The following RTL10 variants were observed in gnomAD, a reference collection of about 807,000 sequenced individuals.
RTL10 encodes the protein retrotransposon Gag like 10, also known as protein Bop.
For synonymous variants in RTL10, 199 were observed against 188.4 expected (o/e 1.06, Z -0.46); for missense variants, 477 against 470.7 (o/e 1.01, Z -0.12).
In RTL10 at chr22:19,851,282, G is replaced by C; in HGVS notation, c.980C>G (p.Thr327Arg). The change falls in exon 3 of 3, where the codon ACA becomes AGA. Residue 327 changes from threonine to arginine, a missense_variant. Physicochemically the swap from Thr to Arg is moderately conservative, Grantham distance 71. Coordinates refer to ENST00000328554, the MANE Select transcript of RTL10 (RefSeq NM_024627.6). ...CTCTGTCTCCAAAACCTCCTCCTCT[G>C]TTTTCTGGGGTTTTGGACCTCCTGG... ...AHPGGPKPQK[T>R]EEEVLETEGD... 6.2e-7 allele frequency: 1 copy of C among 1,613,380 alleles called. No homozygotes were observed. Among genetic ancestry groups the C allele is most frequent in the Non-Finnish European group, 8.5e-7 (1 of 1,179,630 alleles).
rs557618561 is a variant in RTL10, at chr22:19,849,526, A to G, written c.*1641T>C. On this transcript the variant is annotated 3_prime_UTR_variant, in exon 3 of 3. Coordinates refer to ENST00000328554, the MANE Select transcript of RTL10 (RefSeq NM_024627.6). ...TGAGATTACAGGCATGCACCACCAC[A>G]CTTGGCTAATTTTGTATTTTTAGGA... The G allele has an allele frequency of 1.3e-4, 41 of 311,210 alleles. 1 individual carries two copies. In the South Asian group the frequency reaches 4.0e-3, roughly 31 times the overall value. 19.3% of individuals were successfully genotyped at this position (311,210 alleles called of 1,614,324 possible).
At position 19,846,346 on chromosome 22, in the gene RTL10, C is replaced by G. The variant is rs1937960110; in HGVS notation, c.*4821G>C. 2.3e-6 allele frequency: 2 copies of G among 866,864 alleles called. No individual in the cohort carries two copies. The highest frequency in any genetic ancestry group is 2.4e-4 in the East Asian group (2 of 8,308). The allele number at this position is 866,864 out of a possible 1,614,324, so 53.7% of individuals were successfully genotyped here. A position where few individuals can be genotyped will look rare whatever the true frequency, so the allele number is the denominator to read the frequency against. ...TACAGGATAATGCCTTTGTACCCCC[C>G]AGGTAGGGAAAGATTTCTTAAGTGA... On this transcript the variant is annotated 3_prime_UTR_variant, in exon 3 of 3. Transcript: ENST00000328554.
At position 19,847,920 on chromosome 22, in the gene RTL10, G is replaced by A. The variant is rs932846146; in HGVS notation, c.*3247C>T. On this transcript the variant is annotated 3_prime_UTR_variant, in exon 3 of 3. Transcript: ENST00000328554. ...GCATAAAGAGTGAGGCACATACATGGCTTTACTATTTTCCAGAGGGCCAAC... is the reference window on the plus strand; with the variant it reads ...GCATAAAGAGTGAGGCACATACATGACTTTACTATTTTCCAGAGGGCCAAC... The A allele has an allele frequency of 1.0e-6, 1 of 984,084 alleles. No individual in the cohort carries two copies. Among genetic ancestry groups the A allele is most frequent in the Non-Finnish European group, 1.2e-6 (1 of 829,222 alleles). 61.0% of individuals were successfully genotyped at this position (984,084 alleles called of 1,614,324 possible). A position where few individuals can be genotyped will look rare whatever the true frequency, so the allele number is the denominator to read the frequency against.
chr22:19,847,402 A>C lies in RTL10; in HGVS notation c.*3765T>G, dbSNP rs972874150. The stretch of plus-strand genomic sequence containing the variant: ...GGCTTTTCCAGTTCTGCTGTTCAAA[A>C]AACAGTGACACCCATGAGGTGGGTG... On this transcript the variant is annotated 3_prime_UTR_variant, in exon 3 of 3. Coordinates refer to ENST00000328554, the MANE Select transcript of RTL10 (RefSeq NM_024627.6). The C allele has an allele frequency of 1.0e-6, 1 of 985,298 alleles. No individual in the cohort carries two copies. Among genetic ancestry groups the C allele is most frequent in the East Asian group, 1.1e-4 (1 of 8,832 alleles). The allele number at this position is 985,298 out of a possible 1,614,324, so 61.0% of individuals were successfully genotyped here.
Position 19,849,432 on chromosome 22 carries a change from G to T in RTL10, c.*1735C>A. Reference sequence around the variant, plus strand: ...TGTCCAGGCTGGAGTGCAATGGCGTGATCTCGGCTCACCACACCCTCTGCC... The same window carrying T: ...TGTCCAGGCTGGAGTGCAATGGCGTTATCTCGGCTCACCACACCCTCTGCC... On this transcript the variant is annotated 3_prime_UTR_variant, in exon 3 of 3. Coordinates refer to ENST00000328554, the MANE Select transcript of RTL10 (RefSeq NM_024627.6). 2.3e-6 allele frequency: 1 copy of T among 428,580 alleles called. No individual in the cohort carries two copies. Among genetic ancestry groups the T allele is most frequent in the Non-Finnish European group, 3.1e-6 (1 of 322,936 alleles). 26.5% of individuals were successfully genotyped at this position (428,580 alleles called of 1,614,324 possible).
At position 19,848,280 on chromosome 22, in the gene RTL10, T is replaced by C. The variant is rs374340965; in HGVS notation, c.*2887A>G. ...TGATTAGAAAGCAGAGCCAGCACCA[T>C]GGCCCGTCCCTGAGCATGTCCAGCA... is the stretch of plus-strand genomic sequence containing the variant. On this transcript the variant is annotated 3_prime_UTR_variant, in exon 3 of 3. Coordinates refer to ENST00000328554, the MANE Select transcript of RTL10 (RefSeq NM_024627.6). The C allele has an allele frequency of 4.1e-6, 4 of 985,424 alleles. No individual in the cohort carries two copies. Among genetic ancestry groups the C allele is most frequent in the East Asian group, 2.3e-4 (2 of 8,808 alleles). The allele number at this position is 985,424 out of a possible 1,614,324, so 61.0% of individuals were successfully genotyped here.
rs1004566563 is a variant in RTL10 at position 19,850,564 on chromosome 22, G to A, written c.*603C>T. On this transcript the variant is annotated 3_prime_UTR_variant, in exon 3 of 3. Transcript: ENST00000328554. ...TGCATCCAAACCTTCCAGCTGCCCA[G>A]AACTGCTGGTAATCCCACAGGAAAC... 3 of 1,131,896 alleles carry A rather than the reference G, an allele frequency of 2.7e-6. No homozygotes were observed. The highest frequency in any genetic ancestry group is 3.2e-5 in the African/African-American group (2 of 62,330). 70.1% of individuals were successfully genotyped at this position (1,131,896 alleles called of 1,614,324 possible).
chr22:19,850,518 G>A lies in RTL10; in HGVS notation c.*649C>T, dbSNP rs1453740651. ...GAATGCCTGCAGCTGAGCCTGGCAA[G>A]GGGCTTGCATCCCACCTTCCTGCAT... On this transcript the variant is annotated 3_prime_UTR_variant, in exon 3 of 3. Coordinates refer to ENST00000328554, the MANE Select transcript of RTL10 (RefSeq NM_024627.6). 2.8e-6 allele frequency: 3 copies of A among 1,066,330 alleles called. No individual in the cohort carries two copies. Among genetic ancestry groups the A allele is most frequent in the South Asian group, 9.1e-5 (2 of 22,036 alleles). 66.1% of individuals were successfully genotyped at this position (1,066,330 alleles called of 1,614,324 possible). A position where few individuals can be genotyped will look rare whatever the true frequency, so the allele number is the denominator to read the frequency against.
Position 19,851,357 on chromosome 22 carries a change from C to G in RTL10, c.905G>C (p.Arg302Thr), listed in dbSNP as rs537083361. Residue 302 changes from arginine (R) to threonine (T), a missense_variant, in exon 3 of 3, where the codon AGA (arginine) becomes ACA (threonine). By Grantham distance (71) the Arg-to-Thr change is moderately conservative (BLOSUM62 -1). Transcript: ENST00000328554. ...PEEAAPTPVP[R>T]LSESANPPAQ... The stretch of plus-strand genomic sequence containing the variant: ...AGGAGGATTAGCTGACTCCGACAGT[C>G]TAGGGACAGGTGTGGGGGCTGCCTC... 2.0e-5 allele frequency: 33 copies of G among 1,614,136 alleles called. No individual in the cohort carries two copies. In the South Asian group the frequency reaches 3.6e-4, roughly 18 times the overall value.
In RTL10 at chr22:19,847,910, C is replaced by A. The variant is rs990642077; in HGVS notation, c.*3257G>T. 3.2e-5 allele frequency: 31 copies of A among 982,684 alleles called. No homozygotes were observed. Among genetic ancestry groups the A allele is most frequent in the Non-Finnish European group, 9.7e-6 (8 of 828,454 alleles). The allele number at this position is 982,684 out of a possible 1,614,324, so 60.9% of individuals were successfully genotyped here. ...ATATGTACTGGCATAAAGAGTGAGG[C>A]ACATACATGGCTTTACTATTTTCCA... On this transcript the variant is annotated 3_prime_UTR_variant, in exon 3 of 3. Transcript: ENST00000328554.
At chr22:19,853,722 G>C (rs796705440) in intron 2 of RTL10, among the ~76,000 whole-genome samples, 38 of 152,154 alleles carry the variant, frequency 2.5e-4, no homozygotes, top group African/African-American at 8.7e-4. Flanking sequence ...CCCCTCTGGG[G>C]GGGGGGTCTT....
At position 19,851,991 on chromosome 22, in the gene RTL10, G is replaced by A. The variant is rs146664903; in HGVS notation, c.271C>T (p.Pro91Ser). Reference protein sequence around the residue: ...PLAGHMPSSRPHRVDFCWVPG... With the variant: ...PLAGHMPSSRSHRVDFCWVPG... ...ACCCAGCAGAAGTCCACCCTGTGGG[G>A]TCGGGAGCTGGGCATGTGCCCAGCT... is the stretch of plus-strand genomic sequence containing the variant. Residue 91 changes from proline to serine, a missense_variant, in exon 3 of 3, where the codon CCC becomes TCC. Coordinates refer to ENST00000328554, the MANE Select transcript of RTL10 (RefSeq NM_024627.6). The A allele has an allele frequency of 2.0e-4, 323 of 1,614,058 alleles. No individual in the cohort carries two copies. The highest frequency in any genetic ancestry group is 2.5e-4 in the Non-Finnish European group (298 of 1,180,040).
At chr22:19,852,532 T>C (rs1450153543) in intron 2 of RTL10, 46 bp from the exon 3 acceptor site, 7 of 465,022 alleles carry the variant, frequency 1.5e-5, no homozygotes, top group Non-Finnish European at 2.7e-5. Flanking sequence ...GGCCTAACCA[T>C]CACCCACTGG....
Position 19,847,852 on chromosome 22 carries a change from T to C in RTL10, c.*3315A>G, listed in dbSNP as rs2145902824. 2.1e-6 allele frequency: 2 copies of C among 933,242 alleles called. No homozygotes were observed. Among genetic ancestry groups the C allele is most frequent in the South Asian group, 4.9e-5 (1 of 20,234 alleles). 57.8% of individuals were successfully genotyped at this position (933,242 alleles called of 1,614,324 possible). On this transcript the variant is annotated 3_prime_UTR_variant, in exon 3 of 3. Coordinates refer to ENST00000328554, the MANE Select transcript of RTL10 (RefSeq NM_024627.6). Reference sequence around the variant, plus strand: ...TCACCCATATTTTCCTCTAGTACTTTCATAATTGTAACATTGAAATCTTTA... The same window carrying C: ...TCACCCATATTTTCCTCTAGTACTTCCATAATTGTAACATTGAAATCTTTA...
chr22:19,852,704 GAAGAA>G lies in RTL10; in HGVS notation c.-225-223_-225-219del, dbSNP rs371335016. Among the ~76,000 whole-genome samples, 19 of 152,314 alleles carry G rather than the reference GAAGAA, an allele frequency of 1.2e-4. No homozygotes were observed. The East Asian group carries it at 3.7e-3, about 29-fold the overall frequency. On this transcript the variant is annotated intron_variant, in intron 2 of 2. Coordinates refer to ENST00000328554, the MANE Select transcript of RTL10 (RefSeq NM_024627.6). ...AGAATGACAGATGCTGTCAATTTCA[GAAGAA>G]AAGGGGCCAGATCAGAACTGTCAGG...
rs1396812097 is a variant in RTL10, at chr22:19,850,553, CCAG to C, written c.*611_*613del. The C allele has an allele frequency of 9.0e-7, 1 of 1,110,138 alleles. No homozygotes were observed. The highest frequency in any genetic ancestry group is 1.1e-6 in the Non-Finnish European group (1 of 910,452). 68.8% of individuals were successfully genotyped at this position (1,110,138 alleles called of 1,614,324 possible). On this transcript the variant is annotated 3_prime_UTR_variant, in exon 3 of 3. Transcript: ENST00000328554. ...TCCCACCTTCCTGCATCCAAACCTTCCAGCTGCCCAGAACTGCTGGTAATCCCA... is the reference window on the plus strand; with the variant it reads ...TCCCACCTTCCTGCATCCAAACCTTCCTGCCCAGAACTGCTGGTAATCCCA...
chr22:19,848,234 GGAAGT>G lies in RTL10; in HGVS notation c.*2928_*2932del, dbSNP rs534162270. 81 of 985,360 alleles carry G rather than the reference GGAAGT, an allele frequency of 8.2e-5. No homozygotes were observed. The African/African-American group carries it at 1.2e-3, about 14-fold the overall frequency. 61.0% of individuals were successfully genotyped at this position (985,360 alleles called of 1,614,324 possible). A position where few individuals can be genotyped will look rare whatever the true frequency, so the allele number is the denominator to read the frequency against. On this transcript the variant is annotated 3_prime_UTR_variant, in exon 3 of 3. Transcript: ENST00000328554. ...AATAAAATCTCTGGGTATTTCCAAG[GGAAGT>G]GAAGGACTGACACCATGATTAGAAA... is the stretch of plus-strand genomic sequence containing the variant.
rs1938070644 is a variant in RTL10, at chr22:19,850,566, A to T, written c.*601T>A. Reference sequence around the variant, plus strand: ...CATCCAAACCTTCCAGCTGCCCAGAACTGCTGGTAATCCCACAGGAAACAT... The same window carrying T: ...CATCCAAACCTTCCAGCTGCCCAGATCTGCTGGTAATCCCACAGGAAACAT... On this transcript the variant is annotated 3_prime_UTR_variant, in exon 3 of 3. Transcript: ENST00000328554. 49 of 1,133,636 alleles carry T rather than the reference A, an allele frequency of 4.3e-5. No homozygotes were observed. Among genetic ancestry groups the T allele is most frequent in the Non-Finnish European group, 5.2e-5 (48 of 925,702 alleles). 70.2% of individuals were successfully genotyped at this position (1,133,636 alleles called of 1,614,324 possible). A position where few individuals can be genotyped will look rare whatever the true frequency, so the allele number is the denominator to read the frequency against.
Position 19,850,572 on chromosome 22 carries a change from G to A in RTL10, c.*595C>T. The A allele has an allele frequency of 2.4e-5, 28 of 1,148,370 alleles. No individual in the cohort carries two copies. The highest frequency in any genetic ancestry group is 2.9e-5 in the Non-Finnish European group (27 of 935,180). 71.1% of individuals were successfully genotyped at this position (1,148,370 alleles called of 1,614,324 possible). On this transcript the variant is annotated 3_prime_UTR_variant, in exon 3 of 3. Transcript: ENST00000328554. Reference sequence around the variant, plus strand: ...AACCTTCCAGCTGCCCAGAACTGCTGGTAATCCCACAGGAAACATCATTCT... The same window carrying A: ...AACCTTCCAGCTGCCCAGAACTGCTAGTAATCCCACAGGAAACATCATTCT...
Sources: gnomAD v4.1 joint callset for allele counts (sites outside exome capture counted in the v4.1 genomes callset) on GRCh38, gnomAD v4.1.1 for gene constraint, MANE v1.5 for transcripts, NCBI Gene and HGNC (gene_info 2026-07-23, HGNC 2026-07-21) for gene names.